The following DOCK3 variants were observed in gnomAD, a reference collection of about 807,000 sequenced individuals.
DOCK3 encodes the protein dedicator of cytokinesis protein 3.
Under a neutral mutation model 265.6 loss-of-function variants are expected in DOCK3, and 60 were observed. The ratio of observed to expected loss-of-function variants is 0.23; its 90% CI spans 0.18 to 0.28. The LOEUF (loss-of-function observed/expected upper bound fraction) is 0.28. Among genes scored for constraint, DOCK3 ranks in the 10% least tolerant of loss-of-function variants. DOCK3 has a pLI of 1.00. For missense variants in DOCK3, 1,981 were observed against 2,594.3 expected, an observed-to-expected ratio of 0.76 and a Z score of 5.14; for synonymous variants, 881 against 938.0, an observed-to-expected ratio of 0.94 and a Z score of 1.11.
intron 32 of DOCK3, among the ~76,000 whole-genome samples, chr3:51,324,947 CAT>C (rs2083996016): frequency 6.6e-6 from 1 of 152,166 alleles, no homozygotes. Flanking sequence ...AAATATAAGA[CAT>C]AAAACCTTAA....
rs1245039819 is a variant in DOCK3 at position 51,016,067 on chromosome 3, C to T, written c.316-48381C>T. 5.3e-4 allele frequency among the ~76,000 whole-genome samples: 6 copies of T among 11,378 alleles called. 2 individuals are homozygous for T. The highest frequency in any genetic ancestry group is 7.2e-4 in the Non-Finnish European group (6 of 8,336). 7.5% of individuals were successfully genotyped at this position (11,378 alleles called of 152,430 possible). A position where few individuals can be genotyped will look rare whatever the true frequency, so the allele number is the denominator to read the frequency against. On this transcript the variant is annotated intron_variant, in intron 5 of 52. Coordinates refer to ENST00000266037, the MANE Select transcript of DOCK3 (RefSeq NM_004947.5). Reference sequence around the variant, plus strand: ...ATATGATATATATCATATATTTCTACATAATATATATCATATATTTCTACA... The same window carrying T: ...ATATGATATATATCATATATTTCTATATAATATATATCATATATTTCTACA...
Position 51,270,871 on chromosome 3 carries a change from C to A in DOCK3, c.2412C>A (p.Thr804=). The part of the protein sequence containing the change: ...TIFDELLQMF[T]VQEVAEFVRG... Reference sequence around the variant, plus strand: ...TTGATGAGCTTCTGCAAATGTTCACCGTGCAAGAGGTGGCAGAGTTTGTGA... The same window carrying A: ...TTGATGAGCTTCTGCAAATGTTCACAGTGCAAGAGGTGGCAGAGTTTGTGA... The change falls in exon 24 of 53, where the codon ACC becomes ACA. Residue 804 remains threonine (T), a synonymous_variant. Transcript: ENST00000266037. 1.2e-6 allele frequency: 2 copies of A among 1,613,974 alleles called. No individual in the cohort carries two copies. The highest frequency in any genetic ancestry group is 1.7e-6 in the Non-Finnish European group (2 of 1,179,894).
chr3:50,749,715 C>T (rs912277956), intron 1 of DOCK3, among the ~76,000 whole-genome samples: 4 of 152,032 alleles, frequency 2.6e-5, no homozygotes, highest in African/African-American at 9.7e-5. Flanking sequence ...AAAGACTATC[C>T]AGAAGCAAAT....
At chr3:51,189,185 G>T (rs866544240) in intron 12 of DOCK3, among the ~76,000 whole-genome samples, 5 of 152,042 alleles carry the variant, frequency 3.3e-5, no homozygotes, top group Non-Finnish European at 5.9e-5. Flanking sequence ...GATTAGTGAT[G>T]TTGAACATTT....
chr3:51,333,431 T>G (rs1034748239), intron 35 of DOCK3, among the ~76,000 whole-genome samples, 178 bp downstream of exon 35: 7 of 152,176 alleles, frequency 4.6e-5, no homozygotes, highest in African/African-American at 1.7e-4. Context: ...CAGAGACTTT[T>G]CCCAGGGGTA....
chr3:51,075,245 GTGTC>G, intron 6 of DOCK3, 107 bp from the exon 7 acceptor site: 2 of 787,498 alleles, frequency 2.5e-6, no homozygotes, highest in Non-Finnish European at 4.1e-6. Context: ...TGCTAGGACA[GTGTC>G]TGATCCTCTG....
intron 27 of DOCK3, among the ~76,000 whole-genome samples, chr3:51,294,814 A>G (rs1225412245): frequency 1.1e-4 from 17 of 152,040 alleles, no homozygotes; most frequent in Admixed American, 1.0e-3. Context: ...GTTTCAGTTC[A>G]GGTGTTCTGT....
chr3:51,156,865 C>T (rs1244695222), intron 10 of DOCK3, among the ~76,000 whole-genome samples: 1 of 152,106 alleles, frequency 6.6e-6, no homozygotes, highest in Admixed American at 6.6e-5. Context: ...GTACACAATC[C>T]AGGCTGTGTA....
chr3:50,757,430 C>G (rs2108357344), intron 1 of DOCK3, among the ~76,000 whole-genome samples: 1 of 150,274 alleles, frequency 6.7e-6, no homozygotes, highest in Non-Finnish European at 1.5e-5. Context: ...CCTGGGCCTC[C>G]CAAAGTGCTG....
At chr3:51,369,582 T>C (rs2087523563) in intron 49 of DOCK3, among the ~76,000 whole-genome samples, 1 of 152,188 alleles carries the variant, frequency 6.6e-6, no homozygotes, top group Non-Finnish European at 1.5e-5. Flanking sequence ...AGCACAAATG[T>C]ATGACTTGGG....
At chr3:51,327,472 T>C (rs569847207) in intron 32 of DOCK3, among the ~76,000 whole-genome samples, 1 of 152,226 alleles carries the variant, frequency 6.6e-6, no homozygotes, top group Non-Finnish European at 1.5e-5. Context: ...TAAAAGTAAC[T>C]GCAAACTTGA....
At chr3:51,005,173 A>G (rs547248784) in intron 5 of DOCK3, among the ~76,000 whole-genome samples, 24 of 152,234 alleles carry the variant, frequency 1.6e-4, no homozygotes, top group Middle Eastern at 6.8e-3. Flanking sequence ...TCAGTAGTCT[A>G]TTCTCAGAGA....
At chr3:50,748,268 A>C (rs2039578916) in intron 1 of DOCK3, among the ~76,000 whole-genome samples, 1 of 152,096 alleles carries the variant, frequency 6.6e-6, no homozygotes, top group African/African-American at 2.4e-5. Flanking sequence ...CAGCCTCCCA[A>C]GGTGCTGGGA....
At chr3:51,007,663 GCTT>G in intron 5 of DOCK3, among the ~76,000 whole-genome samples, 1 of 152,156 alleles carries the variant, frequency 6.6e-6, no homozygotes, top group South Asian at 2.1e-4. Context: ...TGTTGCCATT[GCTT>G]TTGGTGTTTT....
intron 1 of DOCK3, among the ~76,000 whole-genome samples, chr3:50,713,073 AT>A (rs1460099541): frequency 6.6e-6 from 1 of 152,160 alleles, no homozygotes; most frequent in Non-Finnish European, 1.5e-5. Flanking sequence ...TAGTTTGAAG[AT>A]GGGTGAAGAG....
intron 22 of DOCK3, among the ~76,000 whole-genome samples, chr3:51,253,152 A>G (rs2079353661): frequency 1.3e-5 from 2 of 152,318 alleles, no homozygotes. Flanking sequence ...TTCTGTTTAT[A>G]TAATGGATTA....
intron 9 of DOCK3, among the ~76,000 whole-genome samples, chr3:51,122,055 G>A (rs753958865): frequency 2.0e-4 from 31 of 152,098 alleles, no homozygotes; most frequent in Non-Finnish European, 4.0e-4. Flanking sequence ...AAAAACAACA[G>A]GCAAGTTTCC....
chr3:50,940,441 A>G (rs1046547654), intron 5 of DOCK3, among the ~76,000 whole-genome samples: 3 of 152,192 alleles, frequency 2.0e-5, no homozygotes, highest in African/African-American at 7.2e-5. Context: ...CGGATTAGAA[A>G]AGACATATTA....
At chr3:51,229,660 G>A in intron 19 of DOCK3, 51 bp downstream of exon 19, 1 of 1,366,440 alleles carries the variant, frequency 7.3e-7, no homozygotes, top group Non-Finnish European at 9.8e-7. Context: ...AATCTGGGCA[G>A]AAGACCTTAC....
Sources: gnomAD v4.1 joint callset for allele counts (sites outside exome capture counted in the v4.1 genomes callset) on GRCh38, gnomAD v4.1.1 for gene constraint, MANE v1.5 for transcripts, NCBI Gene and HGNC (gene_info 2026-07-23, HGNC 2026-07-21) for gene names.